Variants in CTNNA3 observed in about 807,000 individuals in gnomAD.
CTNNA3 encodes the protein catenin alpha-3.
In CTNNA3, 76 loss-of-function variants were observed where a neutral mutation model predicts 95.7. That is an observed-to-expected ratio of 0.79 (90% CI 0.66 to 0.96). The LOEUF is 0.96. CTNNA3 is among the 40% of genes least tolerant of loss of function. The pLI is 0.00. For missense variants in CTNNA3, 1,191 were observed against 1,089.8 expected (o/e 1.09, Z -1.31); for synonymous variants, 431 against 374.4 (o/e 1.15, Z -1.74).
intron 12 of CTNNA3, among the ~76,000 whole-genome samples, chr10:66,354,044 A>T (rs2092588030): frequency 6.6e-6 from 1 of 152,128 alleles, no homozygotes. Context: ...GCAGTTTGGG[A>T]AGCCAAGGCA....
At chr10:65,979,425 T>C (rs537157724) in intron 16 of CTNNA3, among the ~76,000 whole-genome samples, 2 of 152,242 alleles carry the variant, frequency 1.3e-5, no homozygotes, top group Admixed American at 1.3e-4. Flanking sequence ...AAATTTGTCA[T>C]TCAAAGAATT....
At chr10:66,480,254 C>T (rs1839473654) in intron 11 of CTNNA3, among the ~76,000 whole-genome samples, 1 of 152,046 alleles carries the variant, frequency 6.6e-6, no homozygotes, top group African/African-American at 2.4e-5. Context: ...AACTATAATT[C>T]TGGAGGTGGC....
At chr10:66,043,954 T>A (rs1399699924) in intron 15 of CTNNA3, among the ~76,000 whole-genome samples, 1 of 122,954 alleles carries the variant, frequency 8.1e-6, no homozygotes, top group African/African-American at 2.9e-5. Flanking sequence ...AATAGGACTA[T>A]GCTGTGTGTG....
chr10:66,411,447 T>A (rs970205355), intron 11 of CTNNA3, among the ~76,000 whole-genome samples: 2 of 151,940 alleles, frequency 1.3e-5, no homozygotes, highest in African/African-American at 4.8e-5. Flanking sequence ...TATATAAATA[T>A]TTTTAGAAAC....
chr10:66,783,095 T>C (rs1029324712), intron 7 of CTNNA3, among the ~76,000 whole-genome samples: 16 of 152,154 alleles, frequency 1.1e-4, no homozygotes, highest in Non-Finnish European at 1.3e-4. Context: ...AGTAAATAAC[T>C]AATTAAGTAC....
intron 5 of CTNNA3, among the ~76,000 whole-genome samples, chr10:67,384,727 G>T (rs1844080972): frequency 6.6e-6 from 1 of 152,152 alleles, no homozygotes; most frequent in Admixed American, 6.5e-5. Flanking sequence ...GTATGACTCA[G>T]TTTAGAGAAA....
intron 9 of CTNNA3, among the ~76,000 whole-genome samples, chr10:66,694,267 T>C (rs947054091): frequency 6.6e-6 from 1 of 151,832 alleles, no homozygotes; most frequent in Non-Finnish European, 1.5e-5. Flanking sequence ...CAATAAAAAA[T>C]GATAAAGGGG....
intron 15 of CTNNA3, among the ~76,000 whole-genome samples, chr10:66,034,712 G>A (rs79621279): frequency 0.012 from 1,807 of 152,134 alleles, 33 homozygotes; most frequent in African/African-American, 0.04. Flanking sequence ...TCAATTTCCT[G>A]TGGCCTAGAC....
At chr10:67,117,665 T>C (rs1859251916) in intron 7 of CTNNA3, among the ~76,000 whole-genome samples, 1 of 152,064 alleles carries the variant, frequency 6.6e-6, no homozygotes, top group African/African-American at 2.4e-5. Flanking sequence ...TTTTTAAATG[T>C]GCAAATTCAA....
chr10:66,445,534 C>T (rs1177798941), intron 11 of CTNNA3, among the ~76,000 whole-genome samples: 1 of 152,062 alleles, frequency 6.6e-6, no homozygotes, highest in Non-Finnish European at 1.5e-5. Context: ...CAAAACTGCT[C>T]AACTACATGG....
intron 7 of CTNNA3, among the ~76,000 whole-genome samples, chr10:66,945,692 CT>C (rs1200845115): frequency 1.3e-5 from 2 of 152,094 alleles, no homozygotes; most frequent in Non-Finnish European, 2.9e-5. Flanking sequence ...TTCAACATGC[CT>C]TCCTCATTAA....
chr10:67,172,692 G>C (rs1044637814), intron 7 of CTNNA3, among the ~76,000 whole-genome samples: 1 of 151,998 alleles, frequency 6.6e-6, no homozygotes, highest in African/African-American at 2.4e-5. Context: ...ACGCAGTTTT[G>C]GCCGGGCACG....
At chr10:67,626,287 G>C (rs943024063) in intron 2 of CTNNA3, among the ~76,000 whole-genome samples, 1 of 151,902 alleles carries the variant, frequency 6.6e-6, no homozygotes, top group Admixed American at 6.6e-5. Flanking sequence ...CCCTTCCATG[G>C]ACAGTTATGT....
chr10:66,835,459 G>A (rs936793250), intron 7 of CTNNA3, among the ~76,000 whole-genome samples: 2 of 152,184 alleles, frequency 1.3e-5, no homozygotes, highest in African/African-American at 4.8e-5. Context: ...AGGGGATTCT[G>A]ACTCTTAGGC....
At chr10:67,726,316 T>C (rs1841215741) in intron 1 of CTNNA3, among the ~76,000 whole-genome samples, 1 of 66,058 alleles carries the variant, frequency 1.5e-5, no homozygotes, top group Non-Finnish European at 2.4e-5. Flanking sequence ...TTACATATTA[T>C]ATATATTATC....
intron 13 of CTNNA3, among the ~76,000 whole-genome samples, chr10:66,250,684 C>T (rs1385174285): frequency 8.4e-6 from 1 of 118,556 alleles, no homozygotes; most frequent in East Asian, 2.6e-4. Context: ...TTTTGCTACC[C>T]AATTCAATAT....
At chr10:66,624,238 T>C (rs10822857) in intron 9 of CTNNA3, among the ~76,000 whole-genome samples, 50,491 of 151,828 alleles carry the variant, frequency 0.33, 8,803 homozygotes, top group Middle Eastern at 0.5. Flanking sequence ...TTAAATTATT[T>C]GATCTTGTTT....
chr10:67,741,750 T>G (rs925923296), intron 1 of CTNNA3, among the ~76,000 whole-genome samples: 1 of 151,102 alleles, frequency 6.6e-6, no homozygotes, highest in African/African-American at 2.4e-5. Context: ...GTGTGCTGCA[T>G]TCAGGAAACC....
chr10:67,304,716 T>C (rs568173696), intron 5 of CTNNA3, among the ~76,000 whole-genome samples: 2 of 152,204 alleles, frequency 1.3e-5, no homozygotes, highest in African/African-American at 4.8e-5. Flanking sequence ...CTAGTTGCTA[T>C]TGACTCAAAG....
Sources: allele counts gnomAD v4.1 joint callset (sites outside exome capture counted in the v4.1 genomes callset), GRCh38; gene constraint gnomAD v4.1.1; transcripts MANE v1.5; gene names NCBI Gene and HGNC (gene_info 2026-07-23, HGNC 2026-07-21).